Variants in PICALM observed in about 807,000 individuals in gnomAD.
PICALM encodes the protein phosphatidylinositol-binding clathrin assembly protein.
Under a neutral mutation model 80.5 loss-of-function variants are expected in PICALM, and 40 were observed. That is an observed-to-expected ratio of 0.50 (90% CI 0.39 to 0.65). The LOEUF (loss-of-function observed/expected upper bound fraction) is 0.65. PICALM is among the 30% of genes least tolerant of loss of function. PICALM has a pLI of 0.00. For missense variants in PICALM, 676 were observed against 778.9 expected (o/e 0.87, Z 1.57); for synonymous variants, 288 against 260.3 (o/e 1.11, Z -1.02).
intron 12 of PICALM, among the ~76,000 whole-genome samples, chr11:85,994,587 C>T (rs2094897798): frequency 6.6e-6 from 1 of 152,114 alleles, no homozygotes; most frequent in African/African-American, 2.4e-5. Flanking sequence ...AAAAATCATA[C>T]CTTTGCTTTG....
At chr11:86,023,665 C>T (rs2095602987) in intron 3 of PICALM, 2 of 578,774 alleles carry the variant, frequency 3.5e-6, no homozygotes, top group South Asian at 7.6e-5. Flanking sequence ...TGCATAAACT[C>T]TGCCTAGAGC....
chr11:86,022,240 C>T, intron 4 of PICALM, 127 bp downstream of exon 4: 1 of 590,508 alleles, frequency 1.7e-6, no homozygotes, highest in Non-Finnish European at 2.9e-6. Flanking sequence ...TGATATACCT[C>T]ATCAAAGAAA....
intron 17 of PICALM, among the ~76,000 whole-genome samples, chr11:85,979,109 T>G (rs2094364103): frequency 6.6e-6 from 1 of 152,302 alleles, no homozygotes; most frequent in East Asian, 1.9e-4. Flanking sequence ...CATGCTCCAA[T>G]TCCCTCAAGA....
intron 13 of PICALM, 34 bp from the exon 14 acceptor site, chr11:85,984,007 T>C (rs1209273287): frequency 1.1e-6 from 1 of 910,462 alleles, no homozygotes; most frequent in Non-Finnish European, 1.8e-6. Context: ...AGCTCAATTA[T>C]TTAATAACTC....
chr11:85,976,729 T>C, intron 17 of PICALM, 47 bp from the exon 18 acceptor site: 1 of 1,126,592 alleles, frequency 8.9e-7, no homozygotes, highest in Non-Finnish European at 1.4e-6. Flanking sequence ...AACTCATGTG[T>C]GTCAACTGAG....
intron 17 of PICALM, 63 bp from the exon 18 acceptor site, chr11:85,976,745 G>C: frequency 3.2e-6 from 3 of 923,956 alleles, no homozygotes; most frequent in Non-Finnish European, 5.4e-6. Flanking sequence ...CTGAGTTCAA[G>C]GAATTAGTAG....
At chr11:86,043,493 C>G (rs1360054629) in intron 1 of PICALM, among the ~76,000 whole-genome samples, 1 of 152,178 alleles carries the variant, frequency 6.6e-6, no homozygotes, top group East Asian at 1.9e-4. Flanking sequence ...AAACATCTCA[C>G]GTTTAAAAAA....
chr11:85,981,673 A>G (rs1467257644), intron 16 of PICALM, 72 bp downstream of exon 16: 1 of 1,159,006 alleles, frequency 8.6e-7, no homozygotes, highest in Non-Finnish European at 1.3e-6. Flanking sequence ...AGCCAAATCA[A>G]CCCTCCAAAT....
rs989348503 is a variant in PICALM at position 86,053,107 on chromosome 11, TACTAG to T, written c.130+15539_130+15543del. The stretch of plus-strand genomic sequence containing the variant: ...AGCTATCTGCATACGTCATCTACCC[TACTAG>T]ACTGAGGACAGATTAGTGTTTCACA... On this transcript the variant is annotated intron_variant, in intron 1 of 19. Transcript: ENST00000393346. Among the ~76,000 whole-genome samples the T allele has an allele frequency of 2.0e-4, 31 of 152,360 alleles. 1 individual carries two copies. The highest frequency in any genetic ancestry group is 5.2e-4 in the Admixed American group (8 of 15,312).
At chr11:85,975,129 T>C (rs1448775907) in intron 18 of PICALM, among the ~76,000 whole-genome samples, 1 of 152,228 alleles carries the variant, frequency 6.6e-6, no homozygotes, top group Non-Finnish European at 1.5e-5. Flanking sequence ...TTTCCAAATT[T>C]ATCAGGTTTA....
chr11:85,980,269 A>G (rs889326517), intron 17 of PICALM, among the ~76,000 whole-genome samples: 12 of 152,216 alleles, frequency 7.9e-5, no homozygotes, highest in African/African-American at 2.4e-4. Context: ...AGTCCATCAT[A>G]CTGCAAGAAA....
At chr11:86,061,814 T>C (rs1014054819) in intron 1 of PICALM, among the ~76,000 whole-genome samples, 6 of 152,174 alleles carry the variant, frequency 3.9e-5, no homozygotes, top group Non-Finnish European at 7.3e-5. Context: ...TGTTTGATGT[T>C]TATAGCAGCT....
chr11:85,993,894 A>C (rs1028649421), intron 12 of PICALM, among the ~76,000 whole-genome samples: 1 of 151,656 alleles, frequency 6.6e-6, no homozygotes, highest in South Asian at 2.1e-4. Flanking sequence ...TTTTTTTTTT[A>C]AACATGGTAG....
chr11:86,042,788 G>A (rs565270422), intron 1 of PICALM, among the ~76,000 whole-genome samples: 1 of 151,936 alleles, frequency 6.6e-6, no homozygotes, highest in African/African-American at 2.4e-5. Context: ...AACCCAAGCA[G>A]GGTCCAGAGT....
At chr11:86,034,183 A>C (rs1487909238) in intron 1 of PICALM, among the ~76,000 whole-genome samples, 1 of 152,222 alleles carries the variant, frequency 6.6e-6, no homozygotes, top group African/African-American at 2.4e-5. Context: ...TCCAGAATAG[A>C]CCAAATGTAA....
intron 1 of PICALM, among the ~76,000 whole-genome samples, chr11:86,058,552 A>T (rs1016162245): frequency 3.3e-5 from 5 of 152,172 alleles, no homozygotes; most frequent in African/African-American, 1.2e-4. Flanking sequence ...ATTCAGATGA[A>T]ACTTTCAGCA....
intron 19 of PICALM, among the ~76,000 whole-genome samples, chr11:85,968,267 G>A (rs1446370211): frequency 2.6e-5 from 4 of 151,138 alleles, no homozygotes; most frequent in Admixed American, 2.6e-4. Flanking sequence ...CTCCAGCCTG[G>A]GGGACAGAGT....
At chr11:86,068,554 A>C in intron 1 of PICALM, 97 bp downstream of exon 1, 2 of 1,152,402 alleles carry the variant, frequency 1.7e-6, no homozygotes, top group Non-Finnish European at 2.4e-6. Context: ...CAGGGAGGGA[A>C]GAGGCAGTAG....
At chr11:85,998,852 G>T (rs1430700549) in intron 11 of PICALM, among the ~76,000 whole-genome samples, 2 of 152,158 alleles carry the variant, frequency 1.3e-5, no homozygotes, top group African/African-American at 2.4e-5. Context: ...TTGTACGGCT[G>T]GGCTCAGGCC....
Sources: gnomAD v4.1 joint callset for allele counts (sites outside exome capture counted in the v4.1 genomes callset) on GRCh38, gnomAD v4.1.1 for gene constraint, MANE v1.5 for transcripts, NCBI Gene and HGNC (gene_info 2026-07-23, HGNC 2026-07-21) for gene names.